Variants in CLPB observed in about 807,000 individuals in gnomAD.
CLPB encodes mitochondrial disaggregase.
In CLPB, 40 loss-of-function variants were observed where a neutral mutation model predicts 78.4. That is an observed-to-expected ratio of 0.51 (90% CI 0.40 to 0.66). CLPB has a LOEUF of 0.66. Among genes scored for constraint, CLPB ranks in the 30% least tolerant of loss-of-function variants. The pLI, the probability that CLPB is intolerant of heterozygous loss-of-function variation, is 0.00. For missense variants in CLPB, 780 were observed against 886.9 expected (o/e 0.88, Z 1.53); for synonymous variants, 333 against 348.0 (o/e 0.96, Z 0.48).
chr11:72,383,955 T>C (rs1232249910), intron 3 of CLPB, among the ~76,000 whole-genome samples: 1 of 152,100 alleles, frequency 6.6e-6, no homozygotes, highest in Non-Finnish European at 1.5e-5. Flanking sequence ...CTGAGAAACA[T>C]GCTGAAACCC....
intron 6 of CLPB, among the ~76,000 whole-genome samples, chr11:72,328,741 G>A (rs759023422): frequency 5.5e-4 from 84 of 152,314 alleles, no homozygotes; most frequent in Non-Finnish European, 1.1e-3. Context: ...CCTACCACAT[G>A]ACCTGTAGTC....
At chr11:72,360,583 C>T (rs1950819407) in intron 4 of CLPB, among the ~76,000 whole-genome samples, 1 of 151,966 alleles carries the variant, frequency 6.6e-6, no homozygotes, top group Admixed American at 6.6e-5. Context: ...ATTACAGGTG[C>T]CCGCCACCAC....
Position 72,342,592 on chromosome 11 carries a change from T to A in CLPB, c.776-12788A>T, listed in dbSNP as rs530911254. Among the ~76,000 whole-genome samples the A allele has an allele frequency of 7.8e-4, 119 of 152,284 alleles. 2 individuals carry two copies. The highest frequency in any genetic ancestry group is 2.5e-3 in the African/African-American group (104 of 41,566). ...TCCTCAGAGGTGGCAGCAGGTTCTA[T>A]GGCCAGAGAGCAGCTAGGAGCAACT... On this transcript the variant is annotated intron_variant, in intron 5 of 15. Coordinates refer to ENST00000538039, the MANE Select transcript of CLPB (RefSeq NM_001258392.3).
At position 72,308,571 on chromosome 11, in the gene CLPB, T is replaced by G; in HGVS notation, c.1022A>C (p.Glu341Ala). The G allele has an allele frequency of 6.2e-7, 1 of 1,614,170 alleles. No individual in the cohort carries two copies. The highest frequency in any genetic ancestry group is 8.5e-7 in the Non-Finnish European group (1 of 1,180,014). Residue 341 changes from glutamate (E) to alanine (A), a missense_variant, in exon 8 of 16, where the codon GAA becomes GCA. Around this residue, in one of 3 missense-constraint regions of CLPB, gnomAD observed 91 missense variants for 168.2 expected, o/e 0.54. Coordinates refer to ENST00000538039, the MANE Select transcript of CLPB (RefSeq NM_001258392.3). ...GAAGAGGAAGACCAGAGGGTGTTCT[T>G]CATCGTACCAGCCATTCTCCTTCCT... ...IRRKENGWYDEEHPLVFLFLG... is the reference protein window; with the variant it reads ...IRRKENGWYDAEHPLVFLFLG...
chr11:72,353,047 A>G (rs1950641744), intron 5 of CLPB: 1 of 152,256 alleles, frequency 6.6e-6, no homozygotes, highest in Non-Finnish European at 1.5e-5. Flanking sequence ...GATTCTCTCC[A>G]CATCAGGCAG....
At chr11:72,345,343 A>T (rs773595815) in intron 5 of CLPB, among the ~76,000 whole-genome samples, 4 of 152,242 alleles carry the variant, frequency 2.6e-5, no homozygotes, top group African/African-American at 7.2e-5. Context: ...ATTAAAAATG[A>T]GGAATATCTC....
At chr11:72,415,231 A>G (rs1038869900) in intron 2 of CLPB, among the ~76,000 whole-genome samples, 1 of 152,120 alleles carries the variant, frequency 6.6e-6, no homozygotes. Flanking sequence ...AAAGAAAAAG[A>G]AAGATTACAA....
Position 72,372,986 on chromosome 11 carries a change from G to A in CLPB, c.646+7295C>T. ...GGGCACTTGTCCACTGGTTTGTGATGTGCCGGCTTGCACCGTCCTGTCCCC... is the reference window on the plus strand; with the variant it reads ...GGGCACTTGTCCACTGGTTTGTGATATGCCGGCTTGCACCGTCCTGTCCCC... On this transcript the variant is annotated intron_variant, in intron 4 of 15. Coordinates refer to ENST00000538039, the MANE Select transcript of CLPB (RefSeq NM_001258392.3). 6.2e-7 allele frequency: 1 copy of A among 1,614,060 alleles called. No individual in the cohort carries two copies. The highest frequency in any genetic ancestry group is 8.5e-7 in the Non-Finnish European group (1 of 1,179,996).
chr11:72,312,052 G>A lies in CLPB; in HGVS notation c.989-3448C>T, dbSNP rs1489560642. On this transcript the variant is annotated intron_variant, in intron 7 of 15. Transcript: ENST00000538039. This position sits in a 1 kb window ranked among gnomAD's most constrained non-coding sequence, Gnocchi z 4.2. ...GGGTGGTATAGTGGAGAGGGCAGGA[G>A]TTACAGGATCTAGCATGGAGTCCCG... Among the ~76,000 whole-genome samples the A allele has an allele frequency of 1.3e-5, 2 of 152,210 alleles. No homozygotes were observed. The highest frequency in any genetic ancestry group is 2.9e-5 in the Non-Finnish European group (2 of 68,040).
intron 6 of CLPB, among the ~76,000 whole-genome samples, chr11:72,323,388 G>A (rs1276935127): frequency 4.6e-5 from 7 of 151,872 alleles, no homozygotes; most frequent in Admixed American, 1.3e-4. Flanking sequence ...CCAACATGGT[G>A]AAACCTCGTC....
intron 9 of CLPB, chr11:72,302,689 G>A: frequency 3.1e-6 from 1 of 319,694 alleles, no homozygotes; most frequent in Non-Finnish European, 6.1e-6. Context: ...GGCATCCTGT[G>A]TGTGCTGGAC....
rs1251901575 is a variant in CLPB at position 72,380,400 on chromosome 11, A to G, written c.543-16T>C. The G allele has an allele frequency of 3.1e-6, 5 of 1,606,740 alleles. No individual in the cohort carries two copies. In the Admixed American group the frequency reaches 8.3e-5, roughly 27 times the overall value. Reference sequence around the variant, plus strand: ...CTGTACCACACTAGAAGAAATCACAAAGACAGAAGTGTCAAAAGCAAGAAA... The same window carrying G: ...CTGTACCACACTAGAAGAAATCACAGAGACAGAAGTGTCAAAAGCAAGAAA... On this transcript the variant is annotated splice_polypyrimidine_tract_variant and intron_variant, in intron 3 of 15. Transcript: ENST00000538039.
chr11:72,428,070 CTA>C lies in CLPB; in HGVS notation c.455+2240_455+2241del, dbSNP rs373768655. On this transcript the variant is annotated intron_variant, in intron 2 of 15. Transcript: ENST00000538039. ...GACCTGGCTCTGTTCGCAGGAAGAA[CTA>C]TAACTGGTGGGTTACATGTCTGTTT... Among the ~76,000 whole-genome samples, 21 of 152,270 alleles carry C rather than the reference CTA, an allele frequency of 1.4e-4. No individual in the cohort carries two copies. The East Asian group carries it at 3.9e-3, about 28-fold the overall frequency.
chr11:72,368,630 G>A (rs965965317), intron 4 of CLPB, among the ~76,000 whole-genome samples: 1 of 152,084 alleles, frequency 6.6e-6, no homozygotes, highest in African/African-American at 2.4e-5. Flanking sequence ...ACATAGTCTT[G>A]TGTGTTCTCA....
chr11:72,305,844 T>A (rs1949737429), intron 9 of CLPB, among the ~76,000 whole-genome samples: 1 of 152,246 alleles, frequency 6.6e-6, no homozygotes, highest in Non-Finnish European at 1.5e-5. Flanking sequence ...CTACTGTGTA[T>A]GAAGACATAT....
At chr11:72,396,206 G>A (rs1649615571) in intron 3 of CLPB, among the ~76,000 whole-genome samples, 1 of 152,044 alleles carries the variant, frequency 6.6e-6, no homozygotes, top group African/African-American at 2.4e-5. Context: ...TCAGTTCCTC[G>A]GGGACCCTGG....
intron 3 of CLPB, among the ~76,000 whole-genome samples, chr11:72,394,318 C>T (rs972630386): frequency 6.6e-6 from 1 of 152,158 alleles, no homozygotes; most frequent in Non-Finnish European, 1.5e-5. Flanking sequence ...AGATGGAACA[C>T]CCTGCCCCAA....
At position 72,303,587 on chromosome 11, in the gene CLPB, G is replaced by C. The variant is rs577872127; in HGVS notation, c.1123-1239C>G. ...CTTGGCTCCTCTCCCTGCCTCACCAGGGGTCTGAGGATCTAATCCAAGAGG... is the reference window on the plus strand; with the variant it reads ...CTTGGCTCCTCTCCCTGCCTCACCACGGGTCTGAGGATCTAATCCAAGAGG... On this transcript the variant is annotated intron_variant, in intron 9 of 15. Coordinates refer to ENST00000538039, the MANE Select transcript of CLPB (RefSeq NM_001258392.3). Among the ~76,000 whole-genome samples the C allele has an allele frequency of 6.6e-5, 10 of 152,310 alleles. No homozygotes were observed. The South Asian group carries it at 1.7e-3, about 25-fold the overall frequency.
chr11:72,400,188 C>T (rs1448439158), intron 3 of CLPB, among the ~76,000 whole-genome samples: 1 of 152,082 alleles, frequency 6.6e-6, no homozygotes, highest in African/African-American at 2.4e-5. Flanking sequence ...AACATTATTT[C>T]AAGTACATAG....
Sources: gnomAD v4.1 joint callset for allele counts (sites outside exome capture counted in the v4.1 genomes callset) on GRCh38, gnomAD v4.1.1 for gene constraint, gnomAD v4.1.1 regional missense constraint, Gnocchi (gnomAD v3.1) non-coding constraint, MANE v1.5 for transcripts, NCBI Gene and HGNC (gene_info 2026-07-23, HGNC 2026-07-21) for gene names.